The following SLC30A8 variants were observed in gnomAD, a reference collection of about 807,000 sequenced individuals.
The protein encoded by SLC30A8 is solute carrier family 30 member 8, also known as proton-coupled zinc antiporter SLC30A8.
SLC30A8 carries 27 observed loss-of-function variants against 36.9 expected under a neutral mutation model. That is an observed-to-expected ratio of 0.73 (90% CI 0.54 to 1.01). The LOEUF (loss-of-function observed/expected upper bound fraction) is 1.01. Ranked by LOEUF, SLC30A8 falls within the 50% of genes least tolerant of loss-of-function variation. The probability of loss-of-function intolerance (pLI) is 0.00; values close to 1 mark genes in which losing one functional copy is unlikely to be tolerated. For missense variants in SLC30A8, 439 were observed against 452.0 expected, an observed-to-expected ratio of 0.97 and a Z score of 0.26; for synonymous variants, 164 against 172.4, an observed-to-expected ratio of 0.95 and a Z score of 0.38.
intron 1 of SLC30A8, among the ~76,000 whole-genome samples, chr8:117,038,536 A>C (rs1817285567): frequency 6.6e-6 from 1 of 152,208 alleles, no homozygotes; most frequent in South Asian, 2.1e-4. Context: ...ACTAATGTAC[A>C]TTTACTAGGT....
chr8:117,171,033 G>C lies in SLC30A8; in HGVS notation c.830-1G>C. On this transcript the variant is annotated splice_acceptor_variant, in intron 6 of 7. Coordinates refer to ENST00000456015, the MANE Select transcript of SLC30A8 (RefSeq NM_173851.3). LOFTEE classifies it high-confidence loss of function. The stretch of plus-strand genomic sequence containing the variant: ...AGCCTCCATCTCTTCCCTTTTGTCA[G>C]GTGTGCCAAAGAGCCTGAATTACAG... 1 of 1,585,660 alleles carries C rather than the reference G, an allele frequency of 6.3e-7. No individual in the cohort carries two copies. Among genetic ancestry groups the C allele is most frequent in the South Asian group, 1.2e-5 (1 of 85,636 alleles).
rs542076439 is a variant in SLC30A8, at chr8:117,083,183, T to C, written c.-226+43925T>C. Among the ~76,000 whole-genome samples the C allele has an allele frequency of 6.6e-5, 10 of 152,288 alleles. No individual in the cohort carries two copies. The South Asian group carries it at 1.0e-3, about 16-fold the overall frequency. On this transcript the variant is annotated intron_variant, in intron 2 of 10. Transcript: ENST00000427715. ...TGAAATGACAGCAAAAAATGGCATATGTCACTCCCAGGTGGAGGCAATGAA... is the reference window on the plus strand; with the variant it reads ...TGAAATGACAGCAAAAAATGGCATACGTCACTCCCAGGTGGAGGCAATGAA...
chr8:117,146,635 G>GAAAT (rs371528111), intron 1 of SLC30A8, among the ~76,000 whole-genome samples: 72 of 152,216 alleles, frequency 4.7e-4, no homozygotes, highest in African/African-American at 1.4e-3. Flanking sequence ...TTTTTAGAGT[G>GAAAT]AAATAACTGG....
intron 2 of SLC30A8, among the ~76,000 whole-genome samples, chr8:117,059,968 A>G (rs1249589577): frequency 6.6e-6 from 1 of 152,090 alleles, no homozygotes; most frequent in Admixed American, 6.6e-5. Flanking sequence ...AGGAGGGAAC[A>G]GATACGAGAG....
chr8:116,966,243 C>G (rs1393489247), intron 1 of SLC30A8, among the ~76,000 whole-genome samples: 1 of 152,096 alleles, frequency 6.6e-6, no homozygotes, highest in Non-Finnish European at 1.5e-5. Flanking sequence ...ATGGAAGAGA[C>G]TTGAGTGATT....
At chr8:117,046,845 A>G (rs866212407) in intron 2 of SLC30A8, among the ~76,000 whole-genome samples, 1 of 152,206 alleles carries the variant, frequency 6.6e-6, no homozygotes. Flanking sequence ...TTGCCATTGC[A>G]CTAAAGCAGC....
chr8:117,004,785 T>G (rs760274309), intron 1 of SLC30A8, among the ~76,000 whole-genome samples: 2 of 152,156 alleles, frequency 1.3e-5, no homozygotes, highest in Non-Finnish European at 2.9e-5. Context: ...TTGTTTTTAT[T>G]TTTCTTTTTG....
chr8:117,101,901 G>A (rs769908122), intron 2 of SLC30A8, among the ~76,000 whole-genome samples: 1 of 152,078 alleles, frequency 6.6e-6, no homozygotes, highest in Non-Finnish European at 1.5e-5. Context: ...CCTTGTGATC[G>A]TGTGAGTCAA....
intron 1 of SLC30A8, among the ~76,000 whole-genome samples, chr8:116,997,610 TA>T (rs1332423779): frequency 6.6e-6 from 1 of 152,202 alleles, no homozygotes; most frequent in Admixed American, 6.5e-5. Flanking sequence ...AAATTTGATC[TA>T]AAAATAGGAC....
intron 2 of SLC30A8, among the ~76,000 whole-genome samples, chr8:117,096,636 T>G (rs1819377488): frequency 6.6e-6 from 1 of 152,162 alleles, no homozygotes; most frequent in South Asian, 2.1e-4. Context: ...AGGATAATAT[T>G]TGACACCTCA....
At chr8:116,978,734 A>G (rs1815144749) in intron 1 of SLC30A8, among the ~76,000 whole-genome samples, 2 of 152,214 alleles carry the variant, frequency 1.3e-5, no homozygotes, top group Non-Finnish European at 1.5e-5. Flanking sequence ...GATATTCTGC[A>G]TAGATAATTA....
At chr8:117,019,716 A>G (rs1816641979) in intron 1 of SLC30A8, among the ~76,000 whole-genome samples, 1 of 152,228 alleles carries the variant, frequency 6.6e-6, no homozygotes, top group Non-Finnish European at 1.5e-5. Flanking sequence ...AAAACATGCT[A>G]AAGTCTATGA....
At chr8:117,144,296 A>G (rs1022324015) in intron 1 of SLC30A8, among the ~76,000 whole-genome samples, 5 of 152,210 alleles carry the variant, frequency 3.3e-5, no homozygotes, top group African/African-American at 7.2e-5. Flanking sequence ...TCTTATTCCA[A>G]CTAAGAAGAT....
Position 117,152,967 on chromosome 8 carries a change from G to A in SLC30A8, c.295G>A (p.Ala99Thr). ...AGGTGGGCACATTGCTGGGAGTCTTGCTGTTGTCACAGATGCTGCCCACCT... is the reference window on the plus strand; with the variant it reads ...AGGTGGGCACATTGCTGGGAGTCTTACTGTTGTCACAGATGCTGCCCACCT... ...VVGGHIAGSL[A>T]VVTDAAHLLI... Residue 99 changes from alanine (A) to threonine (T), a missense_variant, in exon 3 of 8, where the codon GCT becomes ACT. By Grantham distance (58) the Ala-to-Thr change is moderately conservative. Transcript: ENST00000456015. 1 of 1,611,584 alleles carries A rather than the reference G, an allele frequency of 6.2e-7. No individual in the cohort carries two copies. Among genetic ancestry groups the A allele is most frequent in the Non-Finnish European group, 8.5e-7 (1 of 1,178,228 alleles).
intron 1 of SLC30A8, among the ~76,000 whole-genome samples, chr8:116,978,557 T>G (rs1815137361): frequency 6.6e-6 from 1 of 152,214 alleles, no homozygotes; most frequent in Admixed American, 6.5e-5. Context: ...AGGTGGTGAT[T>G]ATTGCTTGCT....
chr8:117,162,114 G>T (rs1822823656), intron 5 of SLC30A8, among the ~76,000 whole-genome samples: 1 of 152,148 alleles, frequency 6.6e-6, no homozygotes, highest in Non-Finnish European at 1.5e-5. Flanking sequence ...AACATCTCTG[G>T]CTCACTTTAG....
intron 1 of SLC30A8, among the ~76,000 whole-genome samples, chr8:116,977,519 T>C (rs1489267523): frequency 6.7e-6 from 1 of 148,150 alleles, no homozygotes; most frequent in African/African-American, 2.5e-5. Flanking sequence ...ACTTTTTTTT[T>C]TTTTTTTTTT....
At chr8:117,025,340 G>A (rs1465793230) in intron 1 of SLC30A8, among the ~76,000 whole-genome samples, 1 of 152,074 alleles carries the variant, frequency 6.6e-6, no homozygotes, top group Non-Finnish European at 1.5e-5. Flanking sequence ...GAACTTTTAT[G>A]CATTTTGAGC....
At chr8:117,130,837 T>C (rs139109705), upstream of SLC30A8, among the ~76,000 whole-genome samples, 226 of 152,062 alleles carry the variant, frequency 1.5e-3, no homozygotes, top group South Asian at 6.0e-3. Flanking sequence ...GAAAAAGAAG[T>C]GTGGTATATG....
Sources: allele counts gnomAD v4.1 joint callset (sites outside exome capture counted in the v4.1 genomes callset), GRCh38; gene constraint gnomAD v4.1.1; transcripts MANE v1.5; gene names NCBI Gene and HGNC (gene_info 2026-07-23, HGNC 2026-07-21).